ITGB5: variants seen among roughly 807,000 people sequenced by gnomAD.
ITGB5 encodes the protein integrin subunit beta 5.
ITGB5 carries 38 observed loss-of-function variants against 84.8 expected under a neutral mutation model. That is an observed-to-expected ratio of 0.45 (90% confidence interval 0.35 to 0.59). The LOEUF (loss-of-function observed/expected upper bound fraction) is 0.59. Among genes scored for constraint, ITGB5 ranks in the 20% least tolerant of loss-of-function variants. The pLI, the probability that ITGB5 is intolerant of heterozygous loss-of-function variation, is 0.01. For synonymous variants in ITGB5, 393 were observed against 414.4 expected (o/e 0.95, Z 0.63); for missense variants, 905 against 1,034.5 (o/e 0.87, Z 1.72).
upstream of ITGB5, among the ~76,000 whole-genome samples, chr3:124,889,391 A>G (rs1240761701): frequency 6.6e-6 from 1 of 152,152 alleles, no homozygotes; most frequent in African/African-American, 2.4e-5. Flanking sequence ...AACCAAACCA[A>G]TGTACGTCTT....
At chr3:124,896,746 T>A (rs1282795438) in intron 1 of ITGB5, among the ~76,000 whole-genome samples, 3 of 124,576 alleles carry the variant, frequency 2.4e-5, no homozygotes, top group Non-Finnish European at 3.2e-5. Context: ...GACCTTGTCT[T>A]AAAAAAAAAA....
At chr3:124,766,059 CAAAA>C (rs376914121) in intron 13 of ITGB5, among the ~76,000 whole-genome samples, 163 bp downstream of exon 13, 64 of 104,460 alleles carry the variant, frequency 6.1e-4, no homozygotes, top group Admixed American at 2.9e-3. Context: ...CAGCCTGTGT[CAAAA>C]AAAAAAAAAA....
chr3:124,784,866 C>T (rs1435054994), intron 10 of ITGB5, among the ~76,000 whole-genome samples: 1 of 152,216 alleles, frequency 6.6e-6, no homozygotes, highest in Non-Finnish European at 1.5e-5. Flanking sequence ...GCGAGGGTTA[C>T]TATTTTCAAA....
At chr3:124,886,852 T>C in intron 1 of ITGB5, 79 bp downstream of exon 1, 2 of 914,130 alleles carry the variant, frequency 2.2e-6, no homozygotes, top group Admixed American at 4.7e-5. Flanking sequence ...CCGCCTGCGC[T>C]CCCCGCCCCT....
intron 8 of ITGB5, 137 bp from the exon 9 acceptor site, chr3:124,809,293 G>A: frequency 1.2e-6 from 1 of 850,036 alleles, no homozygotes; most frequent in Non-Finnish European, 1.9e-6. Flanking sequence ...AGTGAGCTTG[G>A]TTCCCTGGCC....
intron 3 of ITGB5, among the ~76,000 whole-genome samples, chr3:124,850,061 G>C (rs957794771): frequency 1.3e-5 from 2 of 152,020 alleles, no homozygotes; most frequent in Admixed American, 1.3e-4. Flanking sequence ...TGACTTGCCG[G>C]CAGCCACATC....
intron 13 of ITGB5, among the ~76,000 whole-genome samples, chr3:124,765,256 C>G (rs930188649): frequency 2.0e-5 from 3 of 152,210 alleles, no homozygotes; most frequent in Non-Finnish European, 4.4e-5. Context: ...ATTCCAGTTA[C>G]TCCAAGGCAA....
At chr3:124,890,682 CT>C (rs571728964), upstream of ITGB5, among the ~76,000 whole-genome samples, 18 of 152,272 alleles carry the variant, frequency 1.2e-4, no homozygotes, top group South Asian at 3.5e-3. Flanking sequence ...AAACCTGCCC[CT>C]GGTTCCCTTC....
chr3:124,764,727 A>G (rs1223966444), intron 13 of ITGB5, among the ~76,000 whole-genome samples, 170 bp from the exon 14 acceptor site: 2 of 152,260 alleles, frequency 1.3e-5, no homozygotes, highest in Admixed American at 1.3e-4. Flanking sequence ...TGAAAGATTC[A>G]AAAGGGACAG....
chr3:124,818,195 C>T lies in ITGB5; in HGVS notation c.1039-485G>A, dbSNP rs541617629. Among the ~76,000 whole-genome samples, 30 of 151,992 alleles carry T rather than the reference C, an allele frequency of 2.0e-4. No homozygotes were observed. The East Asian group carries it at 3.3e-3, about 17-fold the overall frequency. ...TTTCTTTAATAGGAAGCTGAGAGAA[C>T]GAATGGCGCCCTCCCACGGACCTCT... On this transcript the variant is annotated intron_variant, in intron 7 of 14. Coordinates refer to ENST00000296181, the MANE Select transcript of ITGB5 (RefSeq NM_002213.5).
chr3:124,812,902 C>T (rs2064527664), intron 8 of ITGB5, among the ~76,000 whole-genome samples: 1 of 152,216 alleles, frequency 6.6e-6, no homozygotes, highest in Non-Finnish European at 1.5e-5. Context: ...AATGTCCCCA[C>T]AGATGGTCTG....
chr3:124,839,886 G>T (rs2064988527), intron 5 of ITGB5, among the ~76,000 whole-genome samples: 1 of 152,198 alleles, frequency 6.6e-6, no homozygotes. Context: ...CCACACTGCA[G>T]CCTTCCTGGA....
chr3:124,817,449 C>T (rs2064620687), intron 8 of ITGB5, among the ~76,000 whole-genome samples, 172 bp downstream of exon 8: 1 of 152,054 alleles, frequency 6.6e-6, no homozygotes, highest in Non-Finnish European at 1.5e-5. Context: ...ATGGGTTTCT[C>T]CACCCTGACC....
chr3:124,786,167 T>C (rs1403576318), intron 10 of ITGB5, among the ~76,000 whole-genome samples: 1 of 152,078 alleles, frequency 6.6e-6, no homozygotes, highest in African/African-American at 2.4e-5. Flanking sequence ...GGCTTGCTCA[T>C]GATGAGTGCA....
At chr3:124,845,823 C>T (rs2065069573) in intron 4 of ITGB5, among the ~76,000 whole-genome samples, 1 of 152,152 alleles carries the variant, frequency 6.6e-6, no homozygotes, top group Non-Finnish European at 1.5e-5. Flanking sequence ...AATAAAATCA[C>T]TATTTCAGAT....
intron 1 of ITGB5, among the ~76,000 whole-genome samples, chr3:124,878,251 G>A (rs964912762): frequency 6.6e-6 from 1 of 152,146 alleles, no homozygotes; most frequent in African/African-American, 2.4e-5. Flanking sequence ...GACAATAAGA[G>A]CTCCTCAATT....
intron 12 of ITGB5, among the ~76,000 whole-genome samples, chr3:124,767,217 G>A (rs921073932): frequency 2.0e-5 from 3 of 152,186 alleles, no homozygotes; most frequent in East Asian, 1.9e-4. Flanking sequence ...ACACTAGGGC[G>A]GTAAATGCTT....
chr3:124,809,227 TTC>T, intron 8 of ITGB5, 71 bp from the exon 9 acceptor site: 1 of 1,561,392 alleles, frequency 6.4e-7, no homozygotes, highest in South Asian at 1.2e-5. Context: ...CACACTGGTT[TTC>T]TGAGGCCCAC....
intron 10 of ITGB5, among the ~76,000 whole-genome samples, chr3:124,780,356 T>C (rs1204085384): frequency 6.6e-6 from 1 of 152,136 alleles, no homozygotes; most frequent in African/African-American, 2.4e-5. Flanking sequence ...GGGGCAGAAA[T>C]GAGGAGGGGT....
Sources: allele counts gnomAD v4.1 joint callset (sites outside exome capture counted in the v4.1 genomes callset), GRCh38; gene constraint gnomAD v4.1.1; transcripts MANE v1.5; gene names NCBI Gene and HGNC (gene_info 2026-07-23, HGNC 2026-07-21).